The following ATP10B variants were observed in gnomAD, a reference collection of about 807,000 sequenced individuals.
The protein encoded by ATP10B is ATPase phospholipid transporting 10B (putative).
ATP10B carries 122 observed loss-of-function variants against 141.2 expected under a neutral mutation model. That is an observed-to-expected ratio of 0.86 (90% confidence interval 0.75 to 1.00). ATP10B has a LOEUF of 1.00. ATP10B is among the 50% of genes least tolerant of loss of function. The pLI is 0.00. For missense variants in ATP10B, 1,876 were observed against 1,825.3 expected (o/e 1.03, Z -0.51); for synonymous variants, 685 against 692.0 (o/e 0.99, Z 0.16).
At chr5:160,600,230 A>C (rs1757026172) in intron 21 of ATP10B, among the ~76,000 whole-genome samples, 1 of 152,034 alleles carries the variant, frequency 6.6e-6, no homozygotes, top group African/African-American at 2.4e-5. Context: ...TATTAGGCCC[A>C]CTCTACAGAT....
chr5:160,632,002 C>T lies in ATP10B; in HGVS notation c.1620+127G>A, dbSNP rs1758967618. The T allele has an allele frequency of 3.7e-6, 3 of 809,382 alleles. No individual in the cohort carries two copies. The South Asian group carries it at 5.6e-5, about 15-fold the overall frequency. 50.1% of individuals were successfully genotyped at this position (809,382 alleles called of 1,614,324 possible). A position where few individuals can be genotyped will look rare whatever the true frequency, so the allele number is the denominator to read the frequency against. ...ACAAAACACATGTGTGGAGTATGTACAAAACCAAGGGCACCATTTTGAAAG... is the reference window on the plus strand; with the variant it reads ...ACAAAACACATGTGTGGAGTATGTATAAAACCAAGGGCACCATTTTGAAAG... On this transcript the variant is annotated intron_variant, in intron 13 of 25. Transcript: ENST00000327245.
At chr5:160,647,023 G>T (rs553695844) in intron 8 of ATP10B, among the ~76,000 whole-genome samples, 107 of 152,316 alleles carry the variant, frequency 7.0e-4, no homozygotes, top group Non-Finnish European at 1.2e-3. Context: ...TCTAGACATT[G>T]TCAAATGTCT....
At chr5:160,654,535 C>T (rs1215047122) in intron 7 of ATP10B, among the ~76,000 whole-genome samples, 1 of 152,142 alleles carries the variant, frequency 6.6e-6, no homozygotes, top group Non-Finnish European at 1.5e-5. Context: ...GTCAGACCTA[C>T]CTATCTGGAG....
chr5:160,838,893 G>C (rs945277920), intron 1 of ATP10B, among the ~76,000 whole-genome samples: 1 of 152,096 alleles, frequency 6.6e-6, no homozygotes, highest in Non-Finnish European at 1.5e-5. Context: ...CCAACCTCTT[G>C]GTGATAATTG....
the ATP10B span, among the ~76,000 whole-genome samples, chr5:160,919,081 G>A: frequency 5.1e-4 from 77 of 149,996 alleles, no homozygotes; most frequent in African/African-American, 1.7e-3. Flanking sequence ...AAAATTAGCC[G>A]GGCATGGTGG....
chr5:160,643,372 G>A (rs1760018863), intron 9 of ATP10B, among the ~76,000 whole-genome samples: 1 of 152,288 alleles, frequency 6.6e-6, no homozygotes, highest in Admixed American at 6.5e-5. Context: ...TTCCAGCAAA[G>A]GTAGATGCTC....
At chr5:160,784,904 A>C (rs533740424) in intron 2 of ATP10B, among the ~76,000 whole-genome samples, 39 of 152,136 alleles carry the variant, frequency 2.6e-4, no homozygotes, top group African/African-American at 8.9e-4. Flanking sequence ...AGTTTTGTTT[A>C]TATATCCCCT....
At chr5:160,789,173 T>A (rs191082448) in intron 1 of ATP10B, among the ~76,000 whole-genome samples, 3 of 152,294 alleles carry the variant, frequency 2.0e-5, no homozygotes, top group African/African-American at 7.2e-5. Context: ...TAGAGGCATG[T>A]AGGCTGGGAA....
chr5:160,853,931 AC>A (rs1203734161), upstream of ATP10B, among the ~76,000 whole-genome samples: 2 of 152,102 alleles, frequency 1.3e-5, no homozygotes, highest in African/African-American at 4.8e-5. Flanking sequence ...ATCTTTCTAC[AC>A]TAAGGCAATT....
chr5:160,774,942 C>G (rs1407196730), intron 2 of ATP10B, among the ~76,000 whole-genome samples: 2 of 152,146 alleles, frequency 1.3e-5, no homozygotes, highest in African/African-American at 4.8e-5. Context: ...ATAAAGCCAG[C>G]AAATGGGGAA....
chr5:160,683,732 T>C lies in ATP10B; in HGVS notation c.470+2347A>G, dbSNP rs137999199. Reference sequence around the variant, plus strand: ...AGCAAGAAGTCAAGCTCTTACCTGCTAGAGACTCCATCATCTTAGGCTGCC... The same window carrying C: ...AGCAAGAAGTCAAGCTCTTACCTGCCAGAGACTCCATCATCTTAGGCTGCC... On this transcript the variant is annotated intron_variant, in intron 6 of 25. Coordinates refer to ENST00000327245, the MANE Select transcript of ATP10B (RefSeq NM_025153.3). 2.8e-3 allele frequency among the ~76,000 whole-genome samples: 428 copies of C among 152,316 alleles called. 3 individuals carry two copies. The highest frequency in any genetic ancestry group is 9.9e-3 in the African/African-American group (410 of 41,568).
chr5:160,723,232 T>C (rs1057018893), intron 2 of ATP10B, among the ~76,000 whole-genome samples: 3 of 152,190 alleles, frequency 2.0e-5, no homozygotes, highest in Non-Finnish European at 4.4e-5. Flanking sequence ...TATACTAAGG[T>C]TGAAATGCTG....
At chr5:160,638,450 C>T (rs1045214082) in intron 10 of ATP10B, among the ~76,000 whole-genome samples, 2 of 152,166 alleles carry the variant, frequency 1.3e-5, no homozygotes, top group Non-Finnish European at 2.9e-5. Flanking sequence ...ATCTTGGGGA[C>T]ACAGGTGGCC....
chr5:160,872,233 G>T, the ATP10B span, among the ~76,000 whole-genome samples: 1 of 151,928 alleles, frequency 6.6e-6, no homozygotes, highest in Admixed American at 6.6e-5. Flanking sequence ...TTTCTGATGG[G>T]ATTATTTATT....
At chr5:160,629,228 T>TGGGCAC (rs2127658958) in intron 13 of ATP10B, among the ~76,000 whole-genome samples, 1 of 147,212 alleles carries the variant, frequency 6.8e-6, no homozygotes, top group Non-Finnish European at 1.5e-5. Flanking sequence ...TGGGTGGGGG[T>TGGGCAC]GGGCACCGAG....
chr5:160,715,742 C>T (rs1198171053), intron 3 of ATP10B, among the ~76,000 whole-genome samples: 2 of 132,012 alleles, frequency 1.5e-5, no homozygotes, highest in Non-Finnish European at 3.3e-5. Context: ...GACAGTGTCT[C>T]ACTCTGTGGC....
chr5:160,831,823 T>TA (rs1295376893), intron 1 of ATP10B, among the ~76,000 whole-genome samples: 2 of 152,090 alleles, frequency 1.3e-5, no homozygotes, highest in Non-Finnish European at 2.9e-5. Flanking sequence ...TAATAGGCAA[T>TA]AAAGAGTTCC....
chr5:160,733,518 C>T (rs942403924), intron 2 of ATP10B, among the ~76,000 whole-genome samples: 38 of 151,552 alleles, frequency 2.5e-4, no homozygotes, highest in African/African-American at 8.7e-4. Flanking sequence ...TGCTAATGAC[C>T]ATAAAAAGTT....
the ATP10B span, among the ~76,000 whole-genome samples, chr5:160,875,604 G>A: frequency 1.3e-5 from 1 of 79,658 alleles, no homozygotes; most frequent in Non-Finnish European, 3.2e-5. Flanking sequence ...TGGATAAAGA[G>A]TCAAGACCCA....
Sources: gnomAD v4.1 joint callset for allele counts (sites outside exome capture counted in the v4.1 genomes callset) on GRCh38, gnomAD v4.1.1 for gene constraint, MANE v1.5 for transcripts, NCBI Gene and HGNC (gene_info 2026-07-23, HGNC 2026-07-21) for gene names.